The following AGBL1 variants were observed in gnomAD, a reference collection of about 807,000 sequenced individuals.
The protein encoded by AGBL1 is cytosolic carboxypeptidase 4.
In AGBL1, 130 loss-of-function variants were observed where a neutral mutation model predicts 118.9. The observed-to-expected ratio is 1.09, with a 90% CI of 0.95 to 1.26. The LOEUF (loss-of-function observed/expected upper bound fraction) is 1.26, where lower values mean the gene tolerates loss of function less well. Ranked by LOEUF, AGBL1 falls within the 50% of genes most tolerant of loss-of-function variation. The probability of loss-of-function intolerance (pLI) is 0.00; values close to 1 mark genes in which losing one functional copy is unlikely to be tolerated. For missense variants in AGBL1, 1,584 were observed against 1,298.1 expected, an observed-to-expected ratio of 1.22 and a Z score of -3.38; for synonymous variants, 555 against 478.9, an observed-to-expected ratio of 1.16 and a Z score of -2.08.
chr15:86,230,374 A>C lies in AGBL1; in HGVS notation c.526+5423A>C, dbSNP rs138847014. Among the ~76,000 whole-genome samples the C allele has an allele frequency of 9.3e-3, 1,414 of 152,342 alleles. 69 individuals are homozygous for C. Among genetic ancestry groups the C allele is most frequent in the Admixed American group, 0.083 (1,268 of 15,302 alleles). ...CAAATCAGGTCTTTATAAGAATTCTAAGAGTTCCAAGGAGTCCTCAGAATG... is the reference window on the plus strand; with the variant it reads ...CAAATCAGGTCTTTATAAGAATTCTCAGAGTTCCAAGGAGTCCTCAGAATG... On this transcript the variant is annotated intron_variant, in intron 6 of 22. Coordinates refer to ENST00000614907, the MANE Select transcript of AGBL1 (RefSeq NM_001386094.1).
At chr15:86,684,785 A>G (rs1356803025) in intron 22 of AGBL1, among the ~76,000 whole-genome samples, 2 of 152,116 alleles carry the variant, frequency 1.3e-5, no homozygotes, top group African/African-American at 2.4e-5. Flanking sequence ...TTTCGGATCT[A>G]ATATCCTGCA....
chr15:86,347,995 G>C (rs1168815853), intron 17 of AGBL1, among the ~76,000 whole-genome samples: 1 of 152,024 alleles, frequency 6.6e-6, no homozygotes, highest in Non-Finnish European at 1.5e-5. Context: ...GAAAAGGCTG[G>C]GTAAGAGCCA....
chr15:86,171,093 A>C (rs944028738), intron 5 of AGBL1, among the ~76,000 whole-genome samples: 6 of 152,216 alleles, frequency 3.9e-5, no homozygotes, highest in African/African-American at 9.6e-5. Context: ...CGGACATACA[A>C]AAACTAAAAG....
At chr15:86,817,129 A>C (rs2078868622) in intron 22 of AGBL1, among the ~76,000 whole-genome samples, 1 of 151,834 alleles carries the variant, frequency 6.6e-6, no homozygotes, top group South Asian at 2.1e-4. Context: ...TCTACTATAA[A>C]ATACAAAAAA....
At chr15:86,560,087 C>T (rs1397678438) in intron 21 of AGBL1, among the ~76,000 whole-genome samples, 1 of 152,054 alleles carries the variant, frequency 6.6e-6, no homozygotes, top group Non-Finnish European at 1.5e-5. Context: ...ACCAGGGTGA[C>T]CCAGTGTAAT....
At chr15:86,789,999 C>T (rs149591553) in intron 22 of AGBL1, among the ~76,000 whole-genome samples, 1 of 152,130 alleles carries the variant, frequency 6.6e-6, no homozygotes, top group Non-Finnish European at 1.5e-5. Context: ...TTTCTCTTAT[C>T]TGATTTCTTA....
intron 18 of AGBL1, among the ~76,000 whole-genome samples, chr15:86,475,544 CA>C (rs540471221): frequency 6.6e-6 from 1 of 152,028 alleles, no homozygotes; most frequent in Non-Finnish European, 1.5e-5. Flanking sequence ...AAAAGAAATG[CA>C]AAAAGCCTCC....
chr15:86,115,262 G>C (rs774642494), intron 1 of AGBL1, among the ~76,000 whole-genome samples: 6 of 152,176 alleles, frequency 3.9e-5, no homozygotes, highest in Non-Finnish European at 5.9e-5. Flanking sequence ...GATTGTGACT[G>C]TGAAGATGAA....
chr15:86,362,415 A>T (rs1196879174), intron 17 of AGBL1, among the ~76,000 whole-genome samples: 1 of 152,072 alleles, frequency 6.6e-6, no homozygotes, highest in African/African-American at 2.4e-5. Flanking sequence ...ATATATTTTC[A>T]TGTTACTAAT....
chr15:86,184,422 CTTTTTTCTTTCTT>C (rs2077596568), intron 5 of AGBL1, among the ~76,000 whole-genome samples: 1 of 145,662 alleles, frequency 6.9e-6, no homozygotes, highest in South Asian at 2.2e-4. Context: ...TTCCTTATTT[CTTTTTTCTTTCTT>C]TTTTTTTTTT....
intron 17 of AGBL1, among the ~76,000 whole-genome samples, chr15:86,331,240 A>C (rs1184425952): frequency 1.3e-5 from 2 of 151,632 alleles, no homozygotes; most frequent in East Asian, 1.9e-4. Context: ...AAAAAAAAAA[A>C]AACAAAGTCT....
intron 6 of AGBL1, 76 bp downstream of exon 6, chr15:86,225,027 C>A: frequency 2.3e-6 from 3 of 1,324,204 alleles, no homozygotes; most frequent in Admixed American, 2.3e-5. Flanking sequence ...GTCCCCATGG[C>A]TGTTTCTTTT....
intron 17 of AGBL1, among the ~76,000 whole-genome samples, chr15:86,366,927 C>A (rs2080896169): frequency 6.6e-6 from 1 of 152,150 alleles, no homozygotes; most frequent in African/African-American, 2.4e-5. Context: ...TCTGCGACAC[C>A]CGGGCTTGTG....
intron 1 of AGBL1, among the ~76,000 whole-genome samples, chr15:86,116,877 C>G (rs546494770): frequency 6.6e-4 from 100 of 152,216 alleles, no homozygotes; most frequent in East Asian, 2.1e-3. Context: ...TTCTGATTCT[C>G]AAGACAACCC....
At chr15:86,764,601 G>A (rs2078070164) in intron 22 of AGBL1, among the ~76,000 whole-genome samples, 1 of 152,010 alleles carries the variant, frequency 6.6e-6, no homozygotes, top group Non-Finnish European at 1.5e-5. Context: ...TAGGGTAAAA[G>A]TATAATAAAG....
intron 20 of AGBL1, among the ~76,000 whole-genome samples, chr15:86,552,684 A>G (rs1349493751): frequency 2.0e-5 from 3 of 152,284 alleles, no homozygotes; most frequent in African/African-American, 7.2e-5. Context: ...AAAACAAACA[A>G]CTAATACATA....
At chr15:86,334,380 C>G (rs951749275) in intron 17 of AGBL1, among the ~76,000 whole-genome samples, 6 of 152,138 alleles carry the variant, frequency 3.9e-5, no homozygotes, top group Non-Finnish European at 5.9e-5. Flanking sequence ...CAATAACATT[C>G]AAACTGAGAA....
intron 22 of AGBL1, among the ~76,000 whole-genome samples, chr15:86,864,375 G>A (rs143193056): frequency 1.3e-5 from 2 of 152,114 alleles, no homozygotes; most frequent in Non-Finnish European, 2.9e-5. Flanking sequence ...TTGAAAGTTC[G>A]CTTTACTCAG....
Position 86,477,329 on chromosome 15 carries a change from TG to T in AGBL1, c.2556-45480del, listed in dbSNP as rs945463078. Among the ~76,000 whole-genome samples the T allele has an allele frequency of 9.2e-5, 14 of 151,998 alleles. 1 individual carries two copies. Among genetic ancestry groups the T allele is most frequent in the Admixed American group, 9.2e-4 (14 of 15,256 alleles). On this transcript the variant is annotated intron_variant, in intron 18 of 22. Transcript: ENST00000614907. ...TGAAAGATCAACAAAATTGATAGAC[TG>T]CTAGCAAGACTGATAAAGAAGAAAA...
Sources: gnomAD v4.1 joint callset for allele counts (sites outside exome capture counted in the v4.1 genomes callset) on GRCh38, gnomAD v4.1.1 for gene constraint, MANE v1.5 for transcripts, NCBI Gene and HGNC (gene_info 2026-07-23, HGNC 2026-07-21) for gene names.